Variants in RPGRIP1 observed in about 807,000 individuals in gnomAD.
RPGRIP1 encodes RPGR interacting protein 1, also known as X-linked retinitis pigmentosa GTPase regulator-interacting protein 1.
In RPGRIP1, 128 loss-of-function variants were observed where a neutral mutation model predicts 157.9. That is an observed-to-expected ratio of 0.81 (90% CI 0.70 to 0.94). The LOEUF is 0.94. Among genes scored for constraint, RPGRIP1 ranks in the 40% least tolerant of loss-of-function variants. RPGRIP1 has a pLI of 0.00. For missense variants in RPGRIP1, 1,486 were observed against 1,545.8 expected, an observed-to-expected ratio of 0.96 and a Z score of 0.65; for synonymous variants, 554 against 571.6, an observed-to-expected ratio of 0.97 and a Z score of 0.44.
At chr14:21,285,011 T>C (rs1449782759) in intron 1 of RPGRIP1, among the ~76,000 whole-genome samples, 2 of 150,270 alleles carry the variant, frequency 1.3e-5, no homozygotes, top group Non-Finnish European at 2.9e-5. Context: ...GTACCTGCTA[T>C]GTGCCAATAA....
intron 21 of RPGRIP1, among the ~76,000 whole-genome samples, chr14:21,338,624 T>C (rs1468945995): frequency 6.6e-6 from 1 of 152,212 alleles, no homozygotes; most frequent in African/African-American, 2.4e-5. Flanking sequence ...CAACAAAAAA[T>C]ATTAGATTGA....
Position 21,325,974 on chromosome 14 carries a change from C to T in RPGRIP1, c.2511C>T (p.Ala837=). Residue 837 remains alanine, a synonymous_variant, in exon 17 of 25, where the codon GCC becomes GCT. Coordinates refer to ENST00000400017, the MANE Select transcript of RPGRIP1 (RefSeq NM_020366.4). ...TCACCTTTTCTGACCATGACACTGC[C>T]ATCATTCCAGCCAGTAACAACCCCT... The part of the protein sequence containing the change: ...RFFTFSDHDT[A]IIPASNNPYF... 6.2e-7 allele frequency: 1 copy of T among 1,613,988 alleles called. No homozygotes were observed. Among genetic ancestry groups the T allele is most frequent in the Non-Finnish European group, 8.5e-7 (1 of 1,179,878 alleles).
chr14:21,337,214 C>G (rs1158167162), intron 21 of RPGRIP1, among the ~76,000 whole-genome samples: 1 of 152,106 alleles, frequency 6.6e-6, no homozygotes, highest in Non-Finnish European at 1.5e-5. Context: ...TGCTACTTAA[C>G]TAGATATACA....
At chr14:21,318,204 A>G (rs1448443264) in intron 11 of RPGRIP1, 3 of 464,644 alleles carry the variant, frequency 6.5e-6, no homozygotes, top group Admixed American at 4.7e-5. Context: ...CCTCCCAGGT[A>G]CAAGCGATTC....
chr14:21,294,760 CA>C lies in RPGRIP1; in HGVS notation c.170del (p.His57ProfsTer4). 1.2e-6 allele frequency: 2 copies of C among 1,601,864 alleles called. No individual in the cohort carries two copies. Among genetic ancestry groups the C allele is most frequent in the Non-Finnish European group, 1.7e-6 (2 of 1,173,100 alleles). Reference protein sequence around the residue: ...EDSFFRLREDHMLVKELSWKQ... With the variant: ...EDSFFRLREDXMLVKELSWKQ... ...CAGTTTCTTTCGACTTCGCGAAGATCACATGTTGGTGAAGGAGCTTTCTTGG... is the reference window on the plus strand; with the variant it reads ...CAGTTTCTTTCGACTTCGCGAAGATCCATGTTGGTGAAGGAGCTTTCTTGG... On this transcript the variant is annotated frameshift_variant, in exon 3 of 25. Coordinates refer to ENST00000400017, the MANE Select transcript of RPGRIP1 (RefSeq NM_020366.4). LOFTEE classifies it high-confidence loss of function.
chr14:21,330,476 G>A, intron 20 of RPGRIP1, 89 bp downstream of exon 20: 5 of 943,012 alleles, frequency 5.3e-6, no homozygotes, highest in Non-Finnish European at 7.1e-6. Context: ...AGAGCAGCCT[G>A]GCCAACATGA....
At chr14:21,308,662 G>A (rs1302517599) in intron 7 of RPGRIP1, among the ~76,000 whole-genome samples, 2 of 152,174 alleles carry the variant, frequency 1.3e-5, no homozygotes, top group African/African-American at 4.8e-5. Flanking sequence ...AAGGAGCGGA[G>A]AGTTTAATAG....
rs945753616 is a variant in RPGRIP1, at chr14:21,289,332, C to A, written c.85+1271C>A. On this transcript the variant is annotated intron_variant, in intron 2 of 24. Transcript: ENST00000400017. Reference sequence around the variant, plus strand: ...GACAGAGCGAGACTCCATACCACCCCCCTCCCCCAAAAAACCATATTTTTC... The same window carrying A: ...GACAGAGCGAGACTCCATACCACCCACCTCCCCCAAAAAACCATATTTTTC... Among the ~76,000 whole-genome samples, 5 of 151,772 alleles carry A rather than the reference C, an allele frequency of 3.3e-5. No homozygotes were observed. The South Asian group carries it at 1.0e-3, about 32-fold the overall frequency.
intron 2 of RPGRIP1, among the ~76,000 whole-genome samples, chr14:21,290,065 C>G (rs1398367344): frequency 6.6e-6 from 1 of 152,020 alleles, no homozygotes. Context: ...CCATGCTGGC[C>G]GGACTGGTCT....
intron 21 of RPGRIP1, among the ~76,000 whole-genome samples, chr14:21,338,162 C>T (rs963809292): frequency 5.3e-4 from 80 of 152,272 alleles, no homozygotes; most frequent in African/African-American, 1.7e-3. Context: ...GTGATCTGCC[C>T]GCCTCGGCCT....
At chr14:21,306,655 C>T (rs1319234933) in intron 6 of RPGRIP1, among the ~76,000 whole-genome samples, 3 of 151,338 alleles carry the variant, frequency 2.0e-5, no homozygotes, top group South Asian at 2.1e-4. Flanking sequence ...GACGGGGTTT[C>T]ACCACGTTGG....
At chr14:21,334,982 G>A (rs956547124) in intron 21 of RPGRIP1, among the ~76,000 whole-genome samples, 2 of 145,900 alleles carry the variant, frequency 1.4e-5, no homozygotes, top group Non-Finnish European at 3.0e-5. Context: ...GGAGGCAGAG[G>A]TTGCAGTGAG....
chr14:21,345,254 G>C, intron 23 of RPGRIP1, 57 bp downstream of exon 23: 1 of 1,328,042 alleles, frequency 7.5e-7, no homozygotes, highest in Non-Finnish European at 1.1e-6. Flanking sequence ...AAATTCAAAA[G>C]TTTGAGTTTG....
At chr14:21,312,781 C>T (rs2068321835) in intron 10 of RPGRIP1, among the ~76,000 whole-genome samples, 1 of 151,732 alleles carries the variant, frequency 6.6e-6, no homozygotes, top group South Asian at 2.1e-4. Flanking sequence ...CTCTACCTCC[C>T]GGGTTCAAAC....
In RPGRIP1 at chr14:21,325,927, C is replaced by T. The variant is rs1382924559; in HGVS notation, c.2464C>T (p.Pro822Ser). 6.2e-7 allele frequency: 1 copy of T among 1,613,936 alleles called. No homozygotes were observed. The highest frequency in any genetic ancestry group is 8.5e-7 in the Non-Finnish European group (1 of 1,179,836). Residue 822 changes from proline (P) to serine (S), a missense_variant, in exon 17 of 25, where the codon CCA becomes TCA. Pro to Ser is a moderately conservative substitution (Grantham distance 74, BLOSUM62 -1). Transcript: ENST00000400017. ...RSRWLGTQPS[P>S]YAVYRFFTFS... Reference sequence around the variant, plus strand: ...TCGATGGCTGGGAACTCAACCCAGTCCATATGCTGTGTACCGCTTCTTCAC... The same window carrying T: ...TCGATGGCTGGGAACTCAACCCAGTTCATATGCTGTGTACCGCTTCTTCAC...
intron 22 of RPGRIP1, among the ~76,000 whole-genome samples, chr14:21,344,839 G>A (rs573547495): frequency 1.3e-5 from 2 of 152,204 alleles, no homozygotes; most frequent in South Asian, 2.1e-4. Flanking sequence ...CCAACTACTC[G>A]GGAGGCTGAG....
Position 21,325,995 on chromosome 14 carries a change from C to T in RPGRIP1, c.2532C>T (p.Asn844=). The T allele has an allele frequency of 6.2e-7, 1 of 1,614,000 alleles. No individual in the cohort carries two copies. The highest frequency in any genetic ancestry group is 8.5e-7 in the Non-Finnish European group (1 of 1,179,882). ...HDTAIIPASN[N]PYFRDQARFP... is the part of the protein sequence containing the mutation. The stretch of plus-strand genomic sequence containing the variant: ...CTGCCATCATTCCAGCCAGTAACAA[C>T]CCCTACTTTAGAGACCAGGCTCGAT... Residue 844 remains asparagine (N), a synonymous_variant, in exon 17 of 25, where the codon AAC becomes AAT. Coordinates refer to ENST00000400017, the MANE Select transcript of RPGRIP1 (RefSeq NM_020366.4).
intron 1 of RPGRIP1, among the ~76,000 whole-genome samples, 82 bp downstream of exon 1, chr14:21,280,241 CTTTTTT>C (rs35642254): frequency 9.1e-6 from 1 of 109,356 alleles, no homozygotes. Flanking sequence ...TAAGTTTATT[CTTTTTT>C]TTTTTTTTTT....
Position 21,328,638 on chromosome 14 carries a change from A to G in RPGRIP1, c.3099+11A>G. On this transcript the variant is annotated intron_variant, in intron 19 of 24. Transcript: ENST00000400017. ...GGAAATACACCAGAGGTAAGACCTT[A>G]AAAACTCTGAAGCACTAAATTGTGG... The G allele has an allele frequency of 6.3e-7, 1 of 1,584,064 alleles. No homozygotes were observed. Among genetic ancestry groups the G allele is most frequent in the East Asian group, 2.2e-5 (1 of 44,716 alleles).
Sources: gnomAD v4.1 joint callset for allele counts (sites outside exome capture counted in the v4.1 genomes callset) on GRCh38, gnomAD v4.1.1 for gene constraint, MANE v1.5 for transcripts, NCBI Gene and HGNC (gene_info 2026-07-23, HGNC 2026-07-21) for gene names.